SOX6: variants seen among roughly 807,000 people sequenced by gnomAD.
The protein encoded by SOX6 is transcription factor SOX-6.
Under a neutral mutation model 97.8 loss-of-function variants are expected in SOX6, and 11 were observed. The ratio of observed to expected loss-of-function variants is 0.11; its 90% CI spans 0.07 to 0.19. The LOEUF (loss-of-function observed/expected upper bound fraction) is 0.19. SOX6 is among the 10% of genes least tolerant of loss of function. SOX6 has a pLI of 1.00. For missense variants in SOX6, 810 were observed against 1,039.5 expected, an observed-to-expected ratio of 0.78 and a Z score of 3.04; for synonymous variants, 360 against 371.4, an observed-to-expected ratio of 0.97 and a Z score of 0.35.
At chr11:16,566,163 G>T (rs552266406) in intron 4 of SOX6, among the ~76,000 whole-genome samples, 56 of 148,728 alleles carry the variant, frequency 3.8e-4, no homozygotes, top group African/African-American at 1.3e-3. Flanking sequence ...TAATTTTAAA[G>T]AATGCAACGA....
At chr11:16,491,379 G>A (rs900439047) in intron 4 of SOX6, among the ~76,000 whole-genome samples, 12 of 152,052 alleles carry the variant, frequency 7.9e-5, no homozygotes, top group African/African-American at 2.9e-4. Context: ...AATAAGTTAA[G>A]GCCCAGCAAG....
intron 4 of SOX6, among the ~76,000 whole-genome samples, chr11:16,229,000 G>T (rs1852767513): frequency 6.6e-6 from 1 of 152,102 alleles, no homozygotes; most frequent in African/African-American, 2.4e-5. Context: ...TCTTAAATAT[G>T]TAAAAATATT....
At chr11:16,290,748 A>G (rs931364545) in intron 3 of SOX6, among the ~76,000 whole-genome samples, 5 of 152,042 alleles carry the variant, frequency 3.3e-5, no homozygotes, top group African/African-American at 1.2e-4. Flanking sequence ...AATACAACAA[A>G]AACAACGTTC....
chr11:15,984,921 T>C (rs1278773934), intron 15 of SOX6, among the ~76,000 whole-genome samples: 4 of 152,210 alleles, frequency 2.6e-5, no homozygotes, highest in Non-Finnish European at 5.9e-5. Flanking sequence ...GTTGCCTCAT[T>C]GGATCTTCTC....
At chr11:16,406,017 C>T (rs957476) in intron 1 of SOX6, among the ~76,000 whole-genome samples, 81,939 of 151,834 alleles carry the variant, frequency 0.54, 22,675 homozygotes, top group Non-Finnish European at 0.61. Flanking sequence ...TAGGTATTTT[C>T]TGCTCTATCT....
chr11:16,688,166 G>T (rs1295127816), intron 3 of SOX6, among the ~76,000 whole-genome samples: 1 of 151,726 alleles, frequency 6.6e-6, no homozygotes, highest in Non-Finnish European at 1.5e-5. Flanking sequence ...TAGAGATGAG[G>T]TCTTACTATG....
chr11:16,409,243 T>A (rs1366373059), intron 1 of SOX6, among the ~76,000 whole-genome samples: 2 of 151,416 alleles, frequency 1.3e-5, no homozygotes, highest in African/African-American at 4.9e-5. Flanking sequence ...TTTACCAACA[T>A]TTTCTCTATC....
At chr11:16,158,740 T>C (rs1387367217) in intron 6 of SOX6, among the ~76,000 whole-genome samples, 1 of 151,980 alleles carries the variant, frequency 6.6e-6, no homozygotes, top group Non-Finnish European at 1.5e-5. Context: ...AAAATTTTGC[T>C]CTATGTGAAC....
At chr11:16,718,978 T>TAAA (rs558276025) in intron 2 of SOX6, among the ~76,000 whole-genome samples, 1 of 86,830 alleles carries the variant, frequency 1.2e-5, no homozygotes, top group African/African-American at 3.7e-5. Flanking sequence ...TTTTTAAAAT[T>TAAA]AAAAAAAAAA....
chr11:16,234,310 G>A (rs902228266), intron 4 of SOX6, among the ~76,000 whole-genome samples: 5 of 152,022 alleles, frequency 3.3e-5, no homozygotes, highest in Admixed American at 2.6e-4. Context: ...TTTAACATAA[G>A]GTTTTTATAC....
intron 13 of SOX6, among the ~76,000 whole-genome samples, chr11:15,989,472 A>G (rs1853976163): frequency 6.6e-6 from 1 of 152,140 alleles, no homozygotes; most frequent in Non-Finnish European, 1.5e-5. Context: ...ATTTACTACA[A>G]TAAATGGTAG....
At chr11:16,591,052 CCA>C (rs1848144446) in intron 4 of SOX6, among the ~76,000 whole-genome samples, 1 of 151,778 alleles carries the variant, frequency 6.6e-6, no homozygotes, top group Non-Finnish European at 1.5e-5. Context: ...ATCTCATGTA[CCA>C]TATAAATATA....
chr11:16,244,345 T>G (rs1202630350), intron 3 of SOX6, among the ~76,000 whole-genome samples: 1 of 151,866 alleles, frequency 6.6e-6, no homozygotes, highest in Non-Finnish European at 1.5e-5. Flanking sequence ...TGAAGTCGTC[T>G]CTCAAATATA....
At chr11:16,411,946 G>T (rs2133056717) in intron 1 of SOX6, among the ~76,000 whole-genome samples, 1 of 152,248 alleles carries the variant, frequency 6.6e-6, no homozygotes, top group East Asian at 1.9e-4. Flanking sequence ...TATTTCTTCA[G>T]ACATAAGCAG....
chr11:16,738,185 A>G (rs1848408699), intron 1 of SOX6, among the ~76,000 whole-genome samples: 1 of 152,178 alleles, frequency 6.6e-6, no homozygotes, highest in African/African-American at 2.4e-5. Context: ...CCGACCACCT[A>G]GAAATCCCCT....
chr11:16,176,962 G>C (rs1325922179), intron 6 of SOX6, among the ~76,000 whole-genome samples: 1 of 151,840 alleles, frequency 6.6e-6, no homozygotes, highest in Non-Finnish European at 1.5e-5. Context: ...CTTTGGACTA[G>C]ATTAAGCATG....
At chr11:16,305,855 C>T (rs1023623224) in intron 3 of SOX6, among the ~76,000 whole-genome samples, 1 of 151,228 alleles carries the variant, frequency 6.6e-6, no homozygotes, top group Admixed American at 6.6e-5. Context: ...CTATATAATT[C>T]CATTTATATA....
intron 12 of SOX6, among the ~76,000 whole-genome samples, chr11:16,029,448 C>T (rs1855301343): frequency 6.6e-6 from 1 of 151,942 alleles, no homozygotes; most frequent in Non-Finnish European, 1.5e-5. Context: ...CCAGCCTGGC[C>T]AAGATGGTGA....
chr11:16,115,525 A>G (rs1849327119), intron 6 of SOX6, among the ~76,000 whole-genome samples: 1 of 152,160 alleles, frequency 6.6e-6, no homozygotes, highest in African/African-American at 2.4e-5. Flanking sequence ...ACATTTCTAA[A>G]AAGTTCCCAG....
Sources: gnomAD v4.1 joint callset for allele counts (sites outside exome capture counted in the v4.1 genomes callset) on GRCh38, gnomAD v4.1.1 for gene constraint, MANE v1.5 for transcripts, NCBI Gene and HGNC (gene_info 2026-07-23, HGNC 2026-07-21) for gene names.